The following TOP3B variants were observed in gnomAD, a reference collection of about 807,000 sequenced individuals.
The protein encoded by TOP3B is DNA topoisomerase 3-beta-1.
A neutral mutation model predicts 93.9 loss-of-function variants in TOP3B; 45 were observed. The observed-to-expected ratio is 0.48, with a 90% CI of 0.38 to 0.61. TOP3B has a LOEUF of 0.61. TOP3B is among the 20% of genes least tolerant of loss of function. TOP3B has a pLI of 0.00. For missense variants in TOP3B, 750 were observed against 1,156.1 expected (o/e 0.65, Z 5.09); for synonymous variants, 357 against 472.6 (o/e 0.76, Z 3.17).
chr22:21,967,543 G>A, intron 8 of TOP3B, 60 bp downstream of exon 8: 1 of 1,308,676 alleles, frequency 7.6e-7, no homozygotes. Context: ...CCAGCGGGAG[G>A]CATCCAAGGG....
intron 14 of TOP3B, 159 bp from the exon 15 acceptor site, chr22:21,959,895 G>T: frequency 9.8e-7 from 1 of 1,019,374 alleles, no homozygotes; most frequent in Non-Finnish European, 1.4e-6. Flanking sequence ...GATGGTACCA[G>T]GCTGGCTCTT....
rs748428059 is a variant in TOP3B at position 21,964,203 on chromosome 22, G to A, written c.1056C>T (p.Gly352=). 6.2e-7 allele frequency: 1 copy of A among 1,614,196 alleles called. No homozygotes were observed. The highest frequency in any genetic ancestry group is 8.5e-7 in the Non-Finnish European group (1 of 1,180,032). The change falls in exon 10 of 18, where the codon GGC becomes GGT. Residue 352 remains glycine, a synonymous_variant. Coordinates refer to ENST00000357179, the MANE Select transcript of TOP3B (RefSeq NM_001282112.2). ...GGTGGTTGGCCTGCTGCCGCAGAGA[G>A]CCCTTCAGGTCAAAGTTCTCAGGGT... is the stretch of plus-strand genomic sequence containing the variant. ...THYPENFDLK[G]SLRQQANHPY... is the part of the protein sequence containing the mutation.
Position 21,964,300 on chromosome 22 carries a change from T to C in TOP3B, c.959A>G (p.His320Arg). ...ASSSLGMGPQ[H>R]AMQTAERLYT... ...GAGCCGCTCAGCCGTCTGCATGGCG[T>C]GCTGCGGCCCCATGCCTGCGAGAGA... Residue 320 changes from histidine (H) to arginine (R), a missense_variant, in exon 10 of 18, where the codon CAC becomes CGC. Around this residue, in one of 4 missense-constraint regions of TOP3B, gnomAD observed 737 missense variants for 933.7 expected, o/e 0.79. Coordinates refer to ENST00000357179, the MANE Select transcript of TOP3B (RefSeq NM_001282112.2). 6.2e-7 allele frequency: 1 copy of C among 1,613,554 alleles called. No individual in the cohort carries two copies. The highest frequency in any genetic ancestry group is 1.7e-4 in the Middle Eastern group (1 of 6,014).
chr22:21,966,641 T>C (rs530153336), intron 8 of TOP3B: 52 of 152,398 alleles, frequency 3.4e-4, no homozygotes, highest in African/African-American at 1.3e-3. Flanking sequence ...TCTCTACCTC[T>C]GCTGAACACT....
At chr22:21,969,437 C>T (rs1349011799) in intron 6 of TOP3B, 1 of 151,986 alleles carries the variant, frequency 6.6e-6, no homozygotes, top group Non-Finnish European at 1.5e-5. Flanking sequence ...CCCGTCTCTA[C>T]TAAAAGTATA....
intron 9 of TOP3B, 53 bp downstream of exon 9, chr22:21,965,232 T>C (rs2071368226): frequency 2.1e-6 from 3 of 1,419,672 alleles, no homozygotes; most frequent in Admixed American, 2.1e-5. Flanking sequence ...TGCTCCAGGC[T>C]GAACCTGCCT....
Position 21,973,464 on chromosome 22 carries a change from T to C in TOP3B, c.203-746A>G, listed in dbSNP as rs1429483179. 4.7e-5 allele frequency: 7 copies of C among 150,010 alleles called. No individual in the cohort carries two copies. The East Asian group carries it at 1.4e-3, about 31-fold the overall frequency. The allele number at this position is 150,010 out of a possible 1,614,324, so 9.3% of individuals were successfully genotyped here. On this transcript the variant is annotated intron_variant, in intron 3 of 17. Transcript: ENST00000357179. ...AAAAGAATTTTGTTTTTTTTTTTTT[T>C]TGTAGAGACAGGGGTCTCACTATGT...
chr22:21,959,474 C>T (rs1485067233), intron 15 of TOP3B, 113 bp downstream of exon 15: 1 of 1,514,720 alleles, frequency 6.6e-7, no homozygotes, highest in East Asian at 2.3e-5. Flanking sequence ...CTACGGAGGC[C>T]TGAAGCCCAG....
rs1480981272 is a variant in TOP3B at position 21,959,704 on chromosome 22, C to T, written c.1687G>A (p.Ala563Thr). The T allele has an allele frequency of 6.2e-7, 1 of 1,613,464 alleles. No individual in the cohort carries two copies. Among genetic ancestry groups the T allele is most frequent in the East Asian group, 2.2e-5 (1 of 44,880 alleles). The stretch of plus-strand genomic sequence containing the variant: ...ATCAGGTTCAGCTGCTTCTCCACTG[C>T]ACTGCGGATGGTGGGGAGCACCAGC... ...AELVLPTIRS[A>T]VEKQLNLIAQ... Residue 563 changes from alanine (A) to threonine (T), a missense_variant, in exon 15 of 18, where the codon GCA (alanine) becomes ACA (threonine). This residue lies in a region of TOP3B where 737 missense variants were observed against 933.7 expected (regional missense o/e 0.79). Transcript: ENST00000357179.
In TOP3B at chr22:21,971,299, C is replaced by T. The variant is rs1300196487; in HGVS notation, c.384+578G>A. On this transcript the variant is annotated intron_variant, in intron 5 of 17. Transcript: ENST00000357179. The surrounding 1 kb of genome is among the most constrained non-coding windows in gnomAD (Gnocchi z 4.6). ...AGCACGGGGGCGACCCATAGAACAA[C>T]AGTCTGAAGGGCACCAAGTGAGACC... 3 of 293,934 alleles carry T rather than the reference C, an allele frequency of 1.0e-5. No homozygotes were observed. The highest frequency in any genetic ancestry group is 1.3e-3 in the Middle Eastern group (1 of 750). The allele number at this position is 293,934 out of a possible 1,614,324, so 18.2% of individuals were successfully genotyped here. A position where few individuals can be genotyped will look rare whatever the true frequency, so the allele number is the denominator to read the frequency against.
At chr22:21,962,182 C>G in intron 13 of TOP3B, 1 of 1,438,450 alleles carries the variant, frequency 7.0e-7, no homozygotes, top group South Asian at 1.4e-5. Flanking sequence ...TGTGCACACC[C>G]CACAGTGCAC....
chr22:21,966,240 T>C (rs2071409551), intron 8 of TOP3B: 1 of 152,194 alleles, frequency 6.6e-6, no homozygotes, highest in Non-Finnish European at 1.5e-5. Flanking sequence ...GGTCTCCCTG[T>C]GTTGTCCAGG....
At chr22:21,958,946 C>T (rs1251776039) in intron 16 of TOP3B, 186 bp downstream of exon 16, 10 of 1,049,214 alleles carry the variant, frequency 9.5e-6, no homozygotes, top group African/African-American at 4.8e-5. Context: ...TGTGTGTTTG[C>T]GTGGCCTAAT....
intron 1 of TOP3B, 192 bp downstream of exon 1, chr22:21,982,538 C>T (rs1256895144): frequency 6.6e-6 from 1 of 152,354 alleles, no homozygotes; most frequent in Non-Finnish European, 1.5e-5. Context: ...TCCCTGAACC[C>T]CCACAGCAAG....
At chr22:21,964,369 C>A in intron 9 of TOP3B, 54 bp from the exon 10 acceptor site, 1 of 1,597,836 alleles carries the variant, frequency 6.3e-7, no homozygotes, top group Admixed American at 1.7e-5. Flanking sequence ...TGGCCAGCTG[C>A]CTGCCCTGGC....
chr22:21,980,259 CT>C (rs940641364), intron 1 of TOP3B, among the ~76,000 whole-genome samples: 5 of 152,222 alleles, frequency 3.3e-5, no homozygotes, highest in African/African-American at 4.8e-5. Flanking sequence ...ACCACATTCC[CT>C]TTTGCACCTT....
In TOP3B at chr22:21,968,781, G is replaced by A; in HGVS notation, c.582-6C>T. The stretch of plus-strand genomic sequence containing the variant: ...GGAAATATTTAGTCTGAAACCTGGA[G>A]GGAGTGGAAAGATATTTTGGTCACT... On this transcript the variant is annotated splice_polypyrimidine_tract_variant and splice_region_variant and intron_variant, in intron 6 of 17. Coordinates refer to ENST00000357179, the MANE Select transcript of TOP3B (RefSeq NM_001282112.2). 1.2e-6 allele frequency: 2 copies of A among 1,614,052 alleles called. No homozygotes were observed. The highest frequency in any genetic ancestry group is 1.7e-6 in the Non-Finnish European group (2 of 1,179,938).
In TOP3B at chr22:21,982,755, C is replaced by T. The variant is rs1311133520; in HGVS notation, c.-124G>A. ...CCACAGCCGCACCGCGGATCCAGCT[C>T]CGGTCCTTGTTCCCGGGGCGGCTAC... On this transcript the variant is annotated 5_prime_UTR_variant, in exon 1 of 18. Coordinates refer to ENST00000357179, the MANE Select transcript of TOP3B (RefSeq NM_001282112.2). The T allele has an allele frequency of 2.0e-5, 3 of 152,246 alleles. No homozygotes were observed. The highest frequency in any genetic ancestry group is 1.9e-4 in the East Asian group (1 of 5,186). The allele number at this position is 152,246 out of a possible 1,614,324, so 9.4% of individuals were successfully genotyped here. A position where few individuals can be genotyped will look rare whatever the true frequency, so the allele number is the denominator to read the frequency against.
Position 21,964,282 on chromosome 22 carries a change from TCAG to T in TOP3B, c.974_976del (p.Ala325del). Reference sequence around the variant, plus strand: ...GATGTAGCCTTGCGTGTAGAGCCGCTCAGCCGTCTGCATGGCGTGCTGCGGCCC... The same window carrying T: ...GATGTAGCCTTGCGTGTAGAGCCGCTCCGTCTGCATGGCGTGCTGCGGCCC... On this transcript the variant is annotated inframe_deletion, in exon 10 of 18. Transcript: ENST00000357179. The T allele has an allele frequency of 6.2e-7, 1 of 1,613,866 alleles. No individual in the cohort carries two copies. The highest frequency in any genetic ancestry group is 2.2e-5 in the East Asian group (1 of 44,864).
Sources: allele counts gnomAD v4.1 joint callset (sites outside exome capture counted in the v4.1 genomes callset), GRCh38; gene constraint gnomAD v4.1.1; regional missense constraint gnomAD v4.1.1; non-coding constraint Gnocchi (gnomAD v3.1); transcripts MANE v1.5; gene names NCBI Gene and HGNC (gene_info 2026-07-23, HGNC 2026-07-21).